Variants in MELK observed in about 807,000 individuals in gnomAD.
The protein encoded by MELK is pEg3 kinase.
Under a neutral mutation model 85.0 loss-of-function variants are expected in MELK, and 81 were observed. The observed-to-expected ratio is 0.95, with a 90% CI of 0.80 to 1.15. MELK has a LOEUF of 1.15. Among genes scored for constraint, MELK ranks in the 50% most tolerant of loss-of-function variants. The probability of loss-of-function intolerance (pLI) is 0.00; values close to 1 mark genes in which losing one functional copy is unlikely to be tolerated. For missense variants in MELK, 754 were observed against 777.5 expected (o/e 0.97, Z 0.36); for synonymous variants, 252 against 265.0 (o/e 0.95, Z 0.48).
intron 13 of MELK, among the ~76,000 whole-genome samples, chr9:36,658,712 T>G (rs911552154): frequency 3.6e-5 from 3 of 83,084 alleles, no homozygotes; most frequent in African/African-American, 1.4e-4. Context: ...TTGTTTGTTT[T>G]TTGTTTGAGA....
intron 10 of MELK, among the ~76,000 whole-genome samples, chr9:36,634,372 A>G (rs1427722069): frequency 6.6e-6 from 1 of 152,192 alleles, no homozygotes; most frequent in Non-Finnish European, 1.5e-5. Context: ...AAATAACTAT[A>G]GTTAGTCCGT....
At chr9:36,581,861 A>G (rs1822275456) in intron 2 of MELK, 122 bp downstream of exon 2, 2 of 657,348 alleles carry the variant, frequency 3.0e-6, no homozygotes, top group Admixed American at 5.9e-5. Flanking sequence ...TACCTACTTC[A>G]GTAAGAAAAA....
At chr9:36,578,968 G>A (rs972957762) in intron 1 of MELK, among the ~76,000 whole-genome samples, 5 of 151,606 alleles carry the variant, frequency 3.3e-5, no homozygotes, top group Admixed American at 2.6e-4. Flanking sequence ...TCAGCCTCCC[G>A]AGTAGCTGGG....
At chr9:36,604,848 G>T (rs560397972) in intron 7 of MELK, among the ~76,000 whole-genome samples, 7 of 152,276 alleles carry the variant, frequency 4.6e-5, no homozygotes, top group Admixed American at 4.6e-4. Context: ...TCTCCATGTT[G>T]GTCAGGCTGG....
chr9:36,651,210 A>T (rs1237153283), intron 11 of MELK, among the ~76,000 whole-genome samples: 1 of 152,338 alleles, frequency 6.6e-6, no homozygotes, highest in South Asian at 2.1e-4. Context: ...GGCGTCTCCC[A>T]GGACCCTACT....
intron 1 of MELK, among the ~76,000 whole-genome samples, chr9:36,576,236 A>C (rs1457740127): frequency 6.6e-6 from 1 of 152,128 alleles, no homozygotes; most frequent in Non-Finnish European, 1.5e-5. Context: ...TTCCCTCAGT[A>C]CTGGGACCTG....
chr9:36,669,399 G>C lies in MELK; in HGVS notation c.1498G>C (p.Glu500Gln). ...DKLMTGVISPERRCRSVELDL... is the reference protein window; with the variant it reads ...DKLMTGVISPQRRCRSVELDL... Reference sequence around the variant, plus strand: ...GTTAATGACAGGTGTCATTAGCCCTGAGAGGCGGTAAGTGTTTGGTTTTTT... The same window carrying C: ...GTTAATGACAGGTGTCATTAGCCCTCAGAGGCGGTAAGTGTTTGGTTTTTT... The change falls in exon 15 of 18, where the codon GAG becomes CAG. Residue 500 changes from glutamate (E) to glutamine (Q), a missense_variant. Glu to Gln is a conservative substitution (Grantham distance 29). Transcript: ENST00000298048. 6.3e-7 allele frequency: 1 copy of C among 1,595,864 alleles called. No homozygotes were observed. Among genetic ancestry groups the C allele is most frequent in the Non-Finnish European group, 8.5e-7 (1 of 1,173,088 alleles).
At chr9:36,625,635 CTT>C (rs1448112022) in intron 8 of MELK, among the ~76,000 whole-genome samples, 4 of 152,124 alleles carry the variant, frequency 2.6e-5, no homozygotes, top group African/African-American at 9.7e-5. Context: ...CAAAAACAAA[CTT>C]TGAGCCAGCT....
intron 7 of MELK, among the ~76,000 whole-genome samples, chr9:36,600,710 C>T (rs1398236377): frequency 6.6e-6 from 1 of 152,122 alleles, no homozygotes; most frequent in Non-Finnish European, 1.5e-5. Flanking sequence ...TTAATGTGCT[C>T]TTGTACAGTG....
At chr9:36,588,766 A>G (rs1378579765) in intron 3 of MELK, among the ~76,000 whole-genome samples, 3 of 152,128 alleles carry the variant, frequency 2.0e-5, no homozygotes, top group Admixed American at 2.0e-4. Context: ...AGCTTGGCTT[A>G]TCTTCCTCTC....
chr9:36,655,074 C>A (rs973084600), intron 12 of MELK, among the ~76,000 whole-genome samples: 1 of 152,200 alleles, frequency 6.6e-6, no homozygotes, highest in East Asian at 1.9e-4. Context: ...CCAAGAATCA[C>A]AAATAACCAC....
At chr9:36,615,180 G>T (rs1360705289) in intron 8 of MELK, among the ~76,000 whole-genome samples, 2 of 140,844 alleles carry the variant, frequency 1.4e-5, no homozygotes, top group African/African-American at 5.4e-5. Flanking sequence ...CGGACGGGGC[G>T]GCTGGCCGGG....
chr9:36,617,586 T>C (rs1194941849), intron 8 of MELK, among the ~76,000 whole-genome samples: 1 of 152,184 alleles, frequency 6.6e-6, no homozygotes, highest in Admixed American at 6.5e-5. Context: ...TCTCAAAATG[T>C]TGGGATTATA....
At chr9:36,645,296 A>G (rs963854388) in intron 11 of MELK, among the ~76,000 whole-genome samples, 1 of 143,526 alleles carries the variant, frequency 7.0e-6, no homozygotes, top group Non-Finnish European at 1.5e-5. Context: ...TAGAGTTTCA[A>G]TAATCATTGA....
chr9:36,647,469 CTTCTT>C (rs751965809), intron 11 of MELK, among the ~76,000 whole-genome samples: 3 of 151,582 alleles, frequency 2.0e-5, no homozygotes, highest in East Asian at 1.9e-4. Context: ...CATGAAGCCT[CTTCTT>C]TTCTTTTCTT....
At chr9:36,635,346 C>T (rs1464138742) in intron 10 of MELK, among the ~76,000 whole-genome samples, 1 of 151,954 alleles carries the variant, frequency 6.6e-6, no homozygotes, top group Non-Finnish European at 1.5e-5. Context: ...TGACTACAAC[C>T]TCCGCCTCCC....
intron 8 of MELK, among the ~76,000 whole-genome samples, chr9:36,625,237 A>G (rs558872572): frequency 2.6e-5 from 4 of 152,246 alleles, no homozygotes; most frequent in Admixed American, 1.3e-4. Flanking sequence ...TGATCAGCAC[A>G]TAGGAAGCTC....
At chr9:36,639,682 T>A (rs1829566475) in intron 10 of MELK, among the ~76,000 whole-genome samples, 1 of 152,178 alleles carries the variant, frequency 6.6e-6, no homozygotes, top group Non-Finnish European at 1.5e-5. Flanking sequence ...TTAATCATGT[T>A]TTTTAGACCC....
At chr9:36,615,039 C>T (rs562501028) in intron 8 of MELK, among the ~76,000 whole-genome samples, 209 of 146,154 alleles carry the variant, frequency 1.4e-3, no homozygotes, top group Admixed American at 2.4e-3. Context: ...CCTCACCTCC[C>T]GGACGGGGCA....
Sources: allele counts gnomAD v4.1 joint callset (sites outside exome capture counted in the v4.1 genomes callset), GRCh38; gene constraint gnomAD v4.1.1; transcripts MANE v1.5; gene names NCBI Gene and HGNC (gene_info 2026-07-23, HGNC 2026-07-21).